Variants in KCNN3 observed in about 807,000 individuals in gnomAD.
KCNN3 encodes potassium calcium-activated channel subfamily N member 3, also known as small conductance calcium-activated potassium channel protein 3.
Under a neutral mutation model 62.9 loss-of-function variants are expected in KCNN3, and 16 were observed. That is an observed-to-expected ratio of 0.25 (90% CI 0.17 to 0.39). The LOEUF is 0.39. Ranked by LOEUF, KCNN3 falls within the 10% of genes least tolerant of loss-of-function variation. The pLI, the probability that KCNN3 is intolerant of heterozygous loss-of-function variation, is 1.00. For missense variants in KCNN3, 599 were observed against 949.4 expected (o/e 0.63, Z 4.85); for synonymous variants, 370 against 389.2 (o/e 0.95, Z 0.58).
At chr1:154,725,682 T>C (rs1322131024) in intron 5 of KCNN3, among the ~76,000 whole-genome samples, 1 of 152,126 alleles carries the variant, frequency 6.6e-6, no homozygotes, top group Non-Finnish European at 1.5e-5. Flanking sequence ...TAGCTGGGAC[T>C]ACAGGTGTGT....
intron 5 of KCNN3, among the ~76,000 whole-genome samples, chr1:154,717,855 TGC>T: frequency 6.6e-6 from 1 of 152,224 alleles, no homozygotes; most frequent in Admixed American, 6.5e-5. Flanking sequence ...AACTGCACTG[TGC>T]TTTCCCAGGT....
At chr1:154,754,403 A>G (rs1438666593) in intron 3 of KCNN3, among the ~76,000 whole-genome samples, 1 of 152,076 alleles carries the variant, frequency 6.6e-6, no homozygotes, top group African/African-American at 2.4e-5. Flanking sequence ...TGAGCCTGAG[A>G]GATGGTTGCA....
At chr1:154,710,102 G>A (rs752056460) in intron 7 of KCNN3, among the ~76,000 whole-genome samples, 18 of 152,148 alleles carry the variant, frequency 1.2e-4, no homozygotes, top group East Asian at 1.9e-4. Context: ...TGAAGCAATC[G>A]GGGAAAGACT....
At chr1:154,853,612 C>A (rs1273077826) in intron 1 of KCNN3, among the ~76,000 whole-genome samples, 1 of 152,222 alleles carries the variant, frequency 6.6e-6, no homozygotes, top group Non-Finnish European at 1.5e-5. Flanking sequence ...GAATTACAGG[C>A]ATTAGCCACT....
chr1:154,709,701 C>T (rs116001711), intron 7 of KCNN3, among the ~76,000 whole-genome samples: 2,028 of 152,314 alleles, frequency 0.013, 37 homozygotes, highest in African/African-American at 0.046. Context: ...GAGCAGGACA[C>T]CGTGTCGTGG....
chr1:154,835,911 AG>A (rs1207156225), intron 1 of KCNN3, among the ~76,000 whole-genome samples: 1 of 152,224 alleles, frequency 6.6e-6, no homozygotes, highest in African/African-American at 2.4e-5. Context: ...CTTCTAACAC[AG>A]GGTTGCCAAA....
chr1:154,795,843 G>A (rs1409574838), intron 2 of KCNN3, among the ~76,000 whole-genome samples: 1 of 152,210 alleles, frequency 6.6e-6, no homozygotes, highest in Non-Finnish European at 1.5e-5. Flanking sequence ...GGGGACTCCA[G>A]GTTGACTGGC....
At chr1:154,799,738 G>A (rs915400998) in intron 2 of KCNN3, among the ~76,000 whole-genome samples, 2 of 152,208 alleles carry the variant, frequency 1.3e-5, no homozygotes, top group African/African-American at 4.8e-5. Context: ...ACAGCGGACA[G>A]CCAGCTGATC....
In KCNN3 at chr1:154,698,323, A is replaced by G. The variant is rs947576348; in HGVS notation, c.*9653T>C. ...GCCAAGCCTTCCTACTCACAATTCC[A>G]CAAATGTGCCTGCAGCTGTGAGGAC... On this transcript the variant is annotated 3_prime_UTR_variant, in exon 8 of 8. Coordinates refer to ENST00000271915, the MANE Select transcript of KCNN3 (RefSeq NM_002249.6). The G allele has an allele frequency of 1.3e-5, 2 of 152,184 alleles. No homozygotes were observed. The highest frequency in any genetic ancestry group is 2.9e-5 in the Non-Finnish European group (2 of 68,028). The allele number at this position is 152,184 out of a possible 1,614,324, so 9.4% of individuals were successfully genotyped here.
At chr1:154,860,986 A>C (rs1365191175) in intron 1 of KCNN3, among the ~76,000 whole-genome samples, 2 of 117,280 alleles carry the variant, frequency 1.7e-5, no homozygotes, top group Non-Finnish European at 3.3e-5. Flanking sequence ...ATGGAGTCTC[A>C]CTCTGTTGCC....
intron 1 of KCNN3, among the ~76,000 whole-genome samples, chr1:154,865,955 A>G (rs1427448981): frequency 6.6e-6 from 1 of 152,174 alleles, no homozygotes; most frequent in Non-Finnish European, 1.5e-5. Context: ...GCCTGCCTCC[A>G]GACTGGTCAG....
At chr1:154,841,162 C>T (rs1651812293) in intron 1 of KCNN3, among the ~76,000 whole-genome samples, 1 of 152,198 alleles carries the variant, frequency 6.6e-6, no homozygotes, top group Admixed American at 6.5e-5. Context: ...CCCCTTAGGT[C>T]AGCACTCTGG....
At position 154,702,716 on chromosome 1, in the gene KCNN3, T is replaced by TAG. The variant is rs1331560799; in HGVS notation, c.*5259_*5260insCT. ...TCTGATTCAGATATATATATATATA[T>TAG]ATATATATATATATATATATATATA... On this transcript the variant is annotated 3_prime_UTR_variant, in exon 8 of 8. Coordinates refer to ENST00000271915, the MANE Select transcript of KCNN3 (RefSeq NM_002249.6). 9.9e-6 allele frequency: 1 copy of TAG among 100,872 alleles called. No homozygotes were observed. The highest frequency in any genetic ancestry group is 1.9e-5 in the Non-Finnish European group (1 of 51,300). The allele number at this position is 100,872 out of a possible 1,614,324, so 6.2% of individuals were successfully genotyped here.
intron 1 of KCNN3, among the ~76,000 whole-genome samples, chr1:154,824,059 C>A (rs1651009523): frequency 6.6e-6 from 1 of 152,220 alleles, no homozygotes; most frequent in Admixed American, 6.5e-5. Context: ...ACAAAAATTT[C>A]AACCACTTCT....
intron 1 of KCNN3, among the ~76,000 whole-genome samples, chr1:154,843,978 G>C (rs953730400): frequency 5.9e-5 from 9 of 152,174 alleles, no homozygotes; most frequent in South Asian, 2.1e-4. Flanking sequence ...GAAAGTAGGA[G>C]GGGGGGCTGC....
Position 154,732,986 on chromosome 1 carries a change from G to C in KCNN3, c.1590+17C>G, listed in dbSNP as rs1307645209. The C allele has an allele frequency of 3.7e-6, 6 of 1,614,016 alleles. 1 individual carries two copies. The South Asian group carries it at 6.6e-5, about 18-fold the overall frequency. Reference sequence around the variant, plus strand: ...CCACATTTTAAGGGTAGGGAATGGGGAGAGGCGGGTACTCACCATGATGCC... The same window carrying C: ...CCACATTTTAAGGGTAGGGAATGGGCAGAGGCGGGTACTCACCATGATGCC... On this transcript the variant is annotated intron_variant, in intron 4 of 7. Coordinates refer to ENST00000271915, the MANE Select transcript of KCNN3 (RefSeq NM_002249.6).
At chr1:154,774,616 T>C (rs1648715520) in intron 2 of KCNN3, among the ~76,000 whole-genome samples, 1 of 152,242 alleles carries the variant, frequency 6.6e-6, no homozygotes, top group Admixed American at 6.5e-5. Context: ...GCCCTCTCTT[T>C]ACTGGGTCCT....
intron 3 of KCNN3, among the ~76,000 whole-genome samples, chr1:154,752,622 C>T (rs1317257734): frequency 6.6e-6 from 1 of 152,088 alleles, no homozygotes; most frequent in Non-Finnish European, 1.5e-5. Context: ...CAGAGGAGAA[C>T]CTGTGTAGAA....
chr1:154,769,536 T>A (rs1648457198), intron 3 of KCNN3, among the ~76,000 whole-genome samples: 1 of 152,196 alleles, frequency 6.6e-6, no homozygotes, highest in Admixed American at 6.5e-5. Context: ...ATCATCTAAG[T>A]ACTTTGCAAA....
Sources: allele counts gnomAD v4.1 joint callset (sites outside exome capture counted in the v4.1 genomes callset), GRCh38; gene constraint gnomAD v4.1.1; transcripts MANE v1.5; gene names NCBI Gene and HGNC (gene_info 2026-07-23, HGNC 2026-07-21).